KCTD4: variants seen among roughly 807,000 people sequenced by gnomAD.
KCTD4 encodes the protein potassium channel tetramerization domain containing 4.
KCTD4 carries 12 observed loss-of-function variants against 18.3 expected under a neutral mutation model. The ratio of observed to expected loss-of-function variants is 0.66; its 90% CI spans 0.42 to 1.06. The LOEUF (loss-of-function observed/expected upper bound fraction) is 1.06, where lower values mean the gene tolerates loss of function less well. Among genes scored for constraint, KCTD4 ranks in the 50% least tolerant of loss-of-function variants. The pLI is 0.00. For synonymous variants in KCTD4, 124 were observed against 110.5 expected (o/e 1.12, Z -0.76); for missense variants, 250 against 303.4 (o/e 0.82, Z 1.31).
intron 1 of KCTD4, among the ~76,000 whole-genome samples, chr13:45,195,593 C>T (rs1872850821): frequency 6.6e-6 from 1 of 152,108 alleles, no homozygotes; most frequent in African/African-American, 2.4e-5. Flanking sequence ...CCTTGTTTTT[C>T]AACTTGGGAG....
At chr13:45,195,936 A>G (rs1593484660) in intron 1 of KCTD4, among the ~76,000 whole-genome samples, 1 of 152,182 alleles carries the variant, frequency 6.6e-6, no homozygotes, top group Non-Finnish European at 1.5e-5. Flanking sequence ...GATTACAGGC[A>G]TGAGCTACTG....
In KCTD4 at chr13:45,194,086, G is replaced by T; in HGVS notation, c.482C>A (p.Ala161Asp). The T allele has an allele frequency of 6.2e-7, 1 of 1,614,046 alleles. No individual in the cohort carries two copies. The highest frequency in any genetic ancestry group is 8.5e-7 in the Non-Finnish European group (1 of 1,179,968). ...CTTTATTTTTGATATGAAATCAGGAGCATTACAGAAGATTCTTAATCCTTG... is the reference window on the plus strand; with the variant it reads ...CTTTATTTTTGATATGAAATCAGGATCATTACAGAAGATTCTTAATCCTTG... ...RSQGLRIFCN[A>D]PDFISKIKSR... The change falls in exon 2 of 2, where the codon GCT (alanine) becomes GAT (aspartate). Residue 161 changes from alanine to aspartate, a missense_variant. Physicochemically the swap from Ala to Asp is moderately radical, Grantham distance 126. Coordinates refer to ENST00000379108, the MANE Select transcript of KCTD4 (RefSeq NM_198404.3).
Position 45,193,938 on chromosome 13 carries a change from T to C in KCTD4, c.630A>G (p.Leu210=). Residue 210 remains leucine, a synonymous_variant, in exon 2 of 2, where the codon CTA becomes CTG. Transcript: ENST00000379108. ...IKSENGTRLV[L]KEDNTFVCTL... is the part of the protein sequence containing the mutation. ...TACAGACAAAGGTGTTGTCTTCCTT[T>C]AGTACAAGTCGAGTGCCATTTTCAG... 1.2e-6 allele frequency: 2 copies of C among 1,614,170 alleles called. No individual in the cohort carries two copies. Among genetic ancestry groups the C allele is most frequent in the Non-Finnish European group, 1.7e-6 (2 of 1,180,012 alleles).
At chr13:45,195,510 T>A (rs1042322612) in intron 1 of KCTD4, among the ~76,000 whole-genome samples, 3 of 150,478 alleles carry the variant, frequency 2.0e-5, no homozygotes, top group Non-Finnish European at 4.4e-5. Flanking sequence ...CAAAATAGTG[T>A]CATGGGTAAG....
intron 1 of KCTD4, among the ~76,000 whole-genome samples, chr13:45,200,222 G>C (rs1873107717): frequency 6.6e-6 from 1 of 152,078 alleles, no homozygotes; most frequent in African/African-American, 2.4e-5. Context: ...AGACAGGGAG[G>C]AGGGAAAGAA....
At chr13:45,194,796 A>G in intron 1 of KCTD4, 42 bp from the exon 2 acceptor site, 1 of 538,344 alleles carries the variant, frequency 1.9e-6, no homozygotes, top group Non-Finnish European at 3.3e-6. Flanking sequence ...TAACTGTATC[A>G]GGGAAGGGAT....
chr13:45,194,551 T>C lies in KCTD4; in HGVS notation c.17A>G (p.Asn6Ser), dbSNP rs751433308. 1 of 1,610,624 alleles carries C rather than the reference T, an allele frequency of 6.2e-7. No homozygotes were observed. Among genetic ancestry groups the C allele is most frequent in the African/African-American group, 1.3e-5 (1 of 74,536 alleles). Residue 6 changes from asparagine (N) to serine (S), a missense_variant, in exon 2 of 2, where the codon AAC becomes AGC. Coordinates refer to ENST00000379108, the MANE Select transcript of KCTD4 (RefSeq NM_198404.3). ...ATACTCCTTTTCTTTTTCTCTTCTG[T>C]TTATTTTACGCTCCATTTTTTGAAG... MERKI[N>S]RREKEKEYEG...
rs996773137 is a variant in KCTD4 at position 45,194,055 on chromosome 13, G to A, written c.513C>T (p.Arg171=). Residue 171 remains arginine (R), a synonymous_variant, in exon 2 of 2, where the codon CGC becomes CGT. Transcript: ENST00000379108. ...GCCTGCTTTTGGACACCAGAACAATGCGAGACTTTATTTTTGATATGAAAT... is the reference window on the plus strand; with the variant it reads ...GCCTGCTTTTGGACACCAGAACAATACGAGACTTTATTTTTGATATGAAAT... ...APDFISKIKS[R]IVLVSKSRLD... 1 of 1,614,122 alleles carries A rather than the reference G, an allele frequency of 6.2e-7. No homozygotes were observed. Among genetic ancestry groups the A allele is most frequent in the Non-Finnish European group, 8.5e-7 (1 of 1,180,004 alleles).
Position 45,193,993 on chromosome 13 carries a change from T to C in KCTD4, c.575A>G (p.Asn192Ser), listed in dbSNP as rs903340778. 2.5e-6 allele frequency: 4 copies of C among 1,614,056 alleles called. No homozygotes were observed. Among genetic ancestry groups the C allele is most frequent in the African/African-American group, 2.7e-5 (2 of 75,036 alleles). ...GFPEEFSISS[N>S]IIQFKYFIKS... is the part of the protein sequence containing the mutation. ...TATGAAGTATTTAAATTGGATGATA[T>C]TTGACGATATTGAAAACTCCTCTGG... Residue 192 changes from asparagine to serine, a missense_variant, in exon 2 of 2, where the codon AAT becomes AGT. By Grantham distance (46) the Asn-to-Ser change is conservative (BLOSUM62 1). Coordinates refer to ENST00000379108, the MANE Select transcript of KCTD4 (RefSeq NM_198404.3).
At position 45,193,827 on chromosome 13, in the gene KCTD4, C is replaced by T. The variant is rs754195705; in HGVS notation, c.741G>A (p.Gly247=). 3 of 1,608,730 alleles carry T rather than the reference C, an allele frequency of 1.9e-6. No individual in the cohort carries two copies. In the East Asian group the frequency reaches 6.7e-5, roughly 36 times the overall value. ...GAAGTGCATCGCTGTGAACAATTGA[C>T]CCTTTGGAACAATCCAGGCTGGTCA... ...RLLTSLDCSK[G]SIVHSDALHF... is the part of the protein sequence containing the mutation. Residue 247 remains glycine, a synonymous_variant, in exon 2 of 2, where the codon GGG becomes GGA. Transcript: ENST00000379108.
chr13:45,200,014 A>T (rs996248878), intron 1 of KCTD4, among the ~76,000 whole-genome samples: 3 of 151,846 alleles, frequency 2.0e-5, no homozygotes, highest in Admixed American at 1.3e-4. Flanking sequence ...CATATCACAC[A>T]TTTTTTTCAT....
chr13:45,196,286 A>AT (rs1299564116), intron 1 of KCTD4, among the ~76,000 whole-genome samples: 1 of 152,162 alleles, frequency 6.6e-6, no homozygotes, highest in Non-Finnish European at 1.5e-5. Flanking sequence ...ATTCCAGAGA[A>AT]TTTTTAGTAT....
intron 1 of KCTD4, among the ~76,000 whole-genome samples, chr13:45,195,513 T>C (rs1869333632): frequency 1.3e-5 from 2 of 149,580 alleles, no homozygotes; most frequent in African/African-American, 2.6e-5. Flanking sequence ...AATAGTGTCA[T>C]GGGTAAGTTA....
intron 1 of KCTD4, among the ~76,000 whole-genome samples, chr13:45,200,533 A>G (rs967383608): frequency 5.9e-5 from 9 of 152,130 alleles, no homozygotes; most frequent in Admixed American, 3.3e-4. Flanking sequence ...GGCTCAAGCT[A>G]TGCTGCTGCC....
chr13:45,195,408 G>T (rs1566131164), intron 1 of KCTD4, among the ~76,000 whole-genome samples: 1 of 152,112 alleles, frequency 6.6e-6, no homozygotes, highest in Non-Finnish European at 1.5e-5. Context: ...CAAAGACTTG[G>T]ACAATTATAG....
chr13:45,198,049 C>G (rs970040879), intron 1 of KCTD4, among the ~76,000 whole-genome samples: 1 of 152,228 alleles, frequency 6.6e-6, no homozygotes, highest in African/African-American at 2.4e-5. Flanking sequence ...AGAGTTAGAT[C>G]ACCTCTGTCT....
In KCTD4 at chr13:45,200,977, A is replaced by C. The variant is rs1873155004; in HGVS notation, c.-341T>G. Reference sequence around the variant, plus strand: ...CAGTAGTCCTCTGGTCTGGGTTTTTACAGGAGCTGGAAGTTCTCTTAAAGG... The same window carrying C: ...CAGTAGTCCTCTGGTCTGGGTTTTTCCAGGAGCTGGAAGTTCTCTTAAAGG... On this transcript the variant is annotated 5_prime_UTR_variant, in exon 1 of 2. Coordinates refer to ENST00000379108, the MANE Select transcript of KCTD4 (RefSeq NM_198404.3). Among the ~76,000 whole-genome samples, 2 of 152,178 alleles carry C rather than the reference A, an allele frequency of 1.3e-5. No homozygotes were observed. Among genetic ancestry groups the C allele is most frequent in the Admixed American group, 1.3e-4 (2 of 15,276 alleles).
At chr13:45,199,821 G>A (rs990712583) in intron 1 of KCTD4, among the ~76,000 whole-genome samples, 1 of 152,146 alleles carries the variant, frequency 6.6e-6, no homozygotes, top group Non-Finnish European at 1.5e-5. Context: ...GTATACTAGC[G>A]CCTGCCACTG....
chr13:45,200,472 A>G (rs1014363229), intron 1 of KCTD4, among the ~76,000 whole-genome samples: 3 of 152,070 alleles, frequency 2.0e-5, no homozygotes, highest in Admixed American at 1.3e-4. Context: ...ATACCTGGCT[A>G]ACTTTTTTAT....
Sources: gnomAD v4.1 joint callset for allele counts (sites outside exome capture counted in the v4.1 genomes callset) on GRCh38, gnomAD v4.1.1 for gene constraint, MANE v1.5 for transcripts, NCBI Gene and HGNC (gene_info 2026-07-23, HGNC 2026-07-21) for gene names.